Variants in CA10 observed in about 807,000 individuals in gnomAD.
CA10 encodes the protein carbonic anhydrase-related protein 10.
In CA10, 14 loss-of-function variants were observed where a neutral mutation model predicts 44.2. That is an observed-to-expected ratio of 0.32 (90% confidence interval 0.21 to 0.50). The LOEUF is 0.50. Ranked by LOEUF, CA10 falls within the 20% of genes least tolerant of loss-of-function variation. CA10 has a pLI of 0.99. For synonymous variants in CA10, 159 were observed against 141.6 expected, an observed-to-expected ratio of 1.12 and a Z score of -0.87; for missense variants, 350 against 409.7, an observed-to-expected ratio of 0.85 and a Z score of 1.26.
intron 4 of CA10, among the ~76,000 whole-genome samples, chr17:51,658,096 C>G (rs1913862200): frequency 6.6e-6 from 1 of 151,752 alleles, no homozygotes; most frequent in Non-Finnish European, 1.5e-5. Flanking sequence ...AGGGAGAATA[C>G]TACCAGTCTT....
Position 52,060,565 on chromosome 17 carries a change from T to TA in CA10, c.136+11753dup, listed in dbSNP as rs376907227. On this transcript the variant is annotated intron_variant, in intron 2 of 8. Coordinates refer to ENST00000451037, the MANE Select transcript of CA10 (RefSeq NM_020178.5). Reference sequence around the variant, plus strand: ...CTGTAAATCTAAAGTCATCCCAAAATAAAAAAATTATTTTGAAAGATGACA... The same window carrying TA: ...CTGTAAATCTAAAGTCATCCCAAAATAAAAAAAATTATTTTGAAAGATGACA... 4.2e-3 allele frequency among the ~76,000 whole-genome samples: 636 copies of TA among 152,150 alleles called. 5 individuals are homozygous for TA. The highest frequency in any genetic ancestry group is 5.9e-3 in the Non-Finnish European group (400 of 67,966).
chr17:51,803,981 C>G (rs117557199), intron 3 of CA10, among the ~76,000 whole-genome samples: 6 of 152,196 alleles, frequency 3.9e-5, no homozygotes, highest in Non-Finnish European at 7.3e-5. Context: ...TGGATACTCA[C>G]TGGCCGTGTG....
chr17:51,737,068 C>T (rs1014510735), intron 4 of CA10, among the ~76,000 whole-genome samples: 15 of 152,100 alleles, frequency 9.9e-5, no homozygotes, highest in Non-Finnish European at 2.1e-4. Context: ...AATGGACTTA[C>T]CCAGGATCAA....
At chr17:51,636,089 C>CATAT (rs112109732) in intron 6 of CA10, 80 bp from the exon 7 acceptor site, 2 of 495,480 alleles carry the variant, frequency 4.0e-6, no homozygotes, top group African/African-American at 4.2e-5. Context: ...TACATACATA[C>CATAT]ATATACATAT....
chr17:51,740,447 G>A lies in CA10; in HGVS notation c.465+7186C>T, dbSNP rs551807351. Among the ~76,000 whole-genome samples, 20 of 152,260 alleles carry A rather than the reference G, an allele frequency of 1.3e-4. No homozygotes were observed. The South Asian group carries it at 3.9e-3, about 30-fold the overall frequency. ...GGCAGTGTTATGAATCAGAAGACCC[G>A]AACTAAGTCCAATCTTGGTTATTTA... On this transcript the variant is annotated intron_variant, in intron 4 of 8. Transcript: ENST00000451037.
chr17:52,048,027 C>T (rs2144204033), intron 2 of CA10, among the ~76,000 whole-genome samples: 1 of 148,740 alleles, frequency 6.7e-6, no homozygotes, highest in Non-Finnish European at 1.5e-5. Context: ...CATCCAATCT[C>T]CCACACCCAC....
At chr17:52,040,883 T>C (rs1986749562) in intron 2 of CA10, among the ~76,000 whole-genome samples, 1 of 151,800 alleles carries the variant, frequency 6.6e-6, no homozygotes, top group South Asian at 2.1e-4. Flanking sequence ...GAGAGAAGAA[T>C]ACCCAAAGCC....
At chr17:51,784,640 T>C (rs1372051196) in intron 3 of CA10, among the ~76,000 whole-genome samples, 4 of 152,202 alleles carry the variant, frequency 2.6e-5, no homozygotes, top group Non-Finnish European at 2.9e-5. Flanking sequence ...TTTTTATTTT[T>C]AGGTTTTGTG....
rs138211209 is a variant in CA10 at position 52,097,824 on chromosome 17, A to G, written c.62-25431T>C. Among the ~76,000 whole-genome samples the G allele has an allele frequency of 3.1e-3, 469 of 152,342 alleles. 1 individual carries two copies. In the Middle Eastern group the frequency reaches 0.041, roughly 13 times the overall value. On this transcript the variant is annotated intron_variant, in intron 1 of 8. Coordinates refer to ENST00000451037, the MANE Select transcript of CA10 (RefSeq NM_020178.5). ...CCAGTAATAGTGGTATGCACAAGAA[A>G]CAAAGGTAGGACAGAATGAGGATGA... is the stretch of plus-strand genomic sequence containing the variant.
intron 2 of CA10, 60 bp from the exon 3 acceptor site, chr17:51,931,192 A>G: frequency 6.5e-7 from 1 of 1,532,270 alleles, no homozygotes; most frequent in Non-Finnish European, 9.0e-7. Context: ...AACAACATAA[A>G]TAAACAGAGC....
chr17:51,928,725 G>A lies in CA10; in HGVS notation c.279+2265C>T, dbSNP rs145010753. On this transcript the variant is annotated intron_variant, in intron 3 of 8. Coordinates refer to ENST00000451037, the MANE Select transcript of CA10 (RefSeq NM_020178.5). The stretch of plus-strand genomic sequence containing the variant: ...ACAGGGTGATTTTCAAATCGATTAA[G>A]TTGGGTATTTCTTTAAGGGAAAACA... Among the ~76,000 whole-genome samples, 1,193 of 152,206 alleles carry A rather than the reference G, an allele frequency of 7.8e-3. 15 individuals carry two copies. Among genetic ancestry groups the A allele is most frequent in the African/African-American group, 0.027 (1,126 of 41,536 alleles).
chr17:51,859,448 T>A (rs1979203540), intron 3 of CA10, among the ~76,000 whole-genome samples: 1 of 152,164 alleles, frequency 6.6e-6, no homozygotes, highest in South Asian at 2.1e-4. Flanking sequence ...TTGGAATTAC[T>A]TGGCTCAGGA....
intron 3 of CA10, among the ~76,000 whole-genome samples, chr17:51,894,866 G>A (rs143650414): frequency 5.3e-5 from 8 of 152,088 alleles, no homozygotes; most frequent in African/African-American, 1.9e-4. Flanking sequence ...ACAGATGGAG[G>A]GTATGATGTA....
At chr17:51,782,245 T>G (rs913602017) in intron 3 of CA10, among the ~76,000 whole-genome samples, 1 of 152,238 alleles carries the variant, frequency 6.6e-6, no homozygotes, top group Non-Finnish European at 1.5e-5. Flanking sequence ...ACCAATCTTT[T>G]GTCATATGGG....
intron 4 of CA10, among the ~76,000 whole-genome samples, chr17:51,657,332 G>C (rs1913833269): frequency 6.6e-6 from 1 of 152,184 alleles, no homozygotes; most frequent in Non-Finnish European, 1.5e-5. Flanking sequence ...CCATGAAAAA[G>C]TGCTGCTTCC....
At chr17:51,803,510 A>G (rs1031454647) in intron 3 of CA10, among the ~76,000 whole-genome samples, 1 of 141,856 alleles carries the variant, frequency 7.0e-6, no homozygotes, top group Non-Finnish European at 1.6e-5. Context: ...ATGTCTGCCT[A>G]TTTTGAAATC....
intron 3 of CA10, among the ~76,000 whole-genome samples, chr17:51,845,597 C>G (rs551761888): frequency 6.6e-6 from 1 of 152,326 alleles, no homozygotes; most frequent in African/African-American, 2.4e-5. Context: ...CCCCTTTGTT[C>G]CCTCAGATCC....
intron 4 of CA10, among the ~76,000 whole-genome samples, chr17:51,719,185 G>A (rs1034569440): frequency 3.3e-5 from 5 of 152,176 alleles, no homozygotes; most frequent in Non-Finnish European, 5.9e-5. Flanking sequence ...TAAAATAAAT[G>A]CCACCAGAAC....
intron 3 of CA10, among the ~76,000 whole-genome samples, chr17:51,874,388 T>TAAAAAA (rs780808287): frequency 1.0e-4 from 13 of 127,440 alleles, no homozygotes; most frequent in East Asian, 2.3e-4. Flanking sequence ...GAGTAATTAT[T>TAAAAAA]AAAAAAAAAA....
Sources: allele counts gnomAD v4.1 joint callset (sites outside exome capture counted in the v4.1 genomes callset), GRCh38; gene constraint gnomAD v4.1.1; transcripts MANE v1.5; gene names NCBI Gene and HGNC (gene_info 2026-07-23, HGNC 2026-07-21).